The following IL1R1 variants were observed in gnomAD, a reference collection of about 807,000 sequenced individuals.
IL1R1 encodes the protein interleukin 1 receptor type 1.
A neutral mutation model predicts 50.2 loss-of-function variants in IL1R1; 22 were observed. That is an observed-to-expected ratio of 0.44 (90% confidence interval 0.31 to 0.63). The LOEUF is 0.63. Among genes scored for constraint, IL1R1 ranks in the 20% least tolerant of loss-of-function variants. The pLI is 0.07. For missense variants in IL1R1, 509 were observed against 676.2 expected, an observed-to-expected ratio of 0.75 and a Z score of 2.74; for synonymous variants, 251 against 236.7, an observed-to-expected ratio of 1.06 and a Z score of -0.55.
At chr2:102,128,996 G>A (rs1407600913) in intron 1 of IL1R1, among the ~76,000 whole-genome samples, 4 of 152,108 alleles carry the variant, frequency 2.6e-5, no homozygotes, top group African/African-American at 9.7e-5. Flanking sequence ...GAGGCTGAGA[G>A]TTTGTGCCCA....
chr2:102,090,730 G>T (rs1398666469), intron 1 of IL1R1, among the ~76,000 whole-genome samples: 2 of 152,006 alleles, frequency 1.3e-5, no homozygotes, highest in Non-Finnish European at 2.9e-5. Context: ...GCATCTTCTT[G>T]AGGGTATTAA....
chr2:102,109,547 G>T (rs1350353978), intron 1 of IL1R1, among the ~76,000 whole-genome samples: 2 of 152,066 alleles, frequency 1.3e-5, no homozygotes, highest in South Asian at 2.1e-4. Flanking sequence ...CCATCCAAAG[G>T]TGCCAAGAGT....
At chr2:102,157,215 A>G (rs2104527802) in intron 2 of IL1R1, among the ~76,000 whole-genome samples, 1 of 152,294 alleles carries the variant, frequency 6.6e-6, no homozygotes, top group South Asian at 2.1e-4. Flanking sequence ...ATGTAGCTAT[A>G]TCCTATTGTA....
At chr2:102,156,832 A>C (rs1245106333) in intron 2 of IL1R1, among the ~76,000 whole-genome samples, 2 of 152,194 alleles carry the variant, frequency 1.3e-5, no homozygotes, top group Non-Finnish European at 2.9e-5. Context: ...CTTAAATAGA[A>C]CATTTTCCAG....
At chr2:102,078,625 A>C (rs1679081826) in intron 1 of IL1R1, among the ~76,000 whole-genome samples, 1 of 151,328 alleles carries the variant, frequency 6.6e-6, no homozygotes, top group Non-Finnish European at 1.5e-5. Context: ...AAAAAAGCCC[A>C]TGCCCAGATG....
chr2:102,091,854 C>A (rs1422835862), intron 1 of IL1R1, among the ~76,000 whole-genome samples: 1 of 152,160 alleles, frequency 6.6e-6, no homozygotes, highest in Non-Finnish European at 1.5e-5. Context: ...TTTTAAGCTC[C>A]TATACAGAAT....
intron 1 of IL1R1, among the ~76,000 whole-genome samples, chr2:102,147,616 T>C (rs1416977844): frequency 7.9e-5 from 12 of 151,958 alleles, no homozygotes; most frequent in Admixed American, 7.9e-4. Context: ...CCCTAGAAGG[T>C]TTGTAGGGGT....
intron 1 of IL1R1, among the ~76,000 whole-genome samples, chr2:102,150,126 C>T (rs146315365): frequency 2.0e-5 from 3 of 152,260 alleles, no homozygotes; most frequent in African/African-American, 7.2e-5. Context: ...TGTGGAGGAA[C>T]GTTGTGGGAA....
chr2:102,096,018 T>A (rs1017800461), intron 1 of IL1R1, among the ~76,000 whole-genome samples: 48 of 152,052 alleles, frequency 3.2e-4, no homozygotes, highest in Non-Finnish European at 1.2e-4. Context: ...AAAGAAAAAA[T>A]TTTATAAAAA....
In IL1R1 at chr2:102,175,535, G is replaced by C; in HGVS notation, c.1193G>C (p.Gly398Ala). 1 of 1,613,440 alleles carries C rather than the reference G, an allele frequency of 6.2e-7. No individual in the cohort carries two copies. Among genetic ancestry groups the C allele is most frequent in the Non-Finnish European group, 8.5e-7 (1 of 1,179,430 alleles). The change falls in exon 11 of 12, where the codon GGG becomes GCG. Residue 398 changes from glycine (G) to alanine (A), a missense_variant. By Grantham distance (60) the Gly-to-Ala change is moderately conservative (BLOSUM62 0). Coordinates refer to ENST00000410023, the MANE Select transcript of IL1R1 (RefSeq NM_000877.4). ...CTGTATCCAAAGACTGTTGGGGAAGGGTCTACCTCTGACTGTGATATTTTT... is the reference window on the plus strand; with the variant it reads ...CTGTATCCAAAGACTGTTGGGGAAGCGTCTACCTCTGACTGTGATATTTTT... ...YILYPKTVGE[G>A]STSDCDIFVF...
At chr2:102,089,480 T>C (rs1679565974) in intron 1 of IL1R1, among the ~76,000 whole-genome samples, 1 of 152,104 alleles carries the variant, frequency 6.6e-6, no homozygotes, top group South Asian at 2.1e-4. Flanking sequence ...AATAATAAAG[T>C]TTGAAATAGT....
rs187637860 is a variant in IL1R1 at position 102,136,292 on chromosome 2, C to T, written c.-83-17649C>T. On this transcript the variant is annotated intron_variant, in intron 1 of 10. Transcript: ENST00000409329. ...ACAAAGAAGGAATCAGTGGTCCTAT[C>T]GCCTCTTCTCCCAACCCCTGGGCCC... Among the ~76,000 whole-genome samples the T allele has an allele frequency of 4.5e-4, 69 of 152,216 alleles. 2 individuals carry two copies. The East Asian group carries it at 0.012, about 27-fold the overall frequency.
intron 1 of IL1R1, among the ~76,000 whole-genome samples, chr2:102,079,451 A>G (rs566756712): frequency 6.6e-6 from 1 of 152,312 alleles, no homozygotes; most frequent in African/African-American, 2.4e-5. Context: ...TTTATATATT[A>G]GCAATGAAAA....
chr2:102,072,902 C>T (rs1446734773), intron 1 of IL1R1, among the ~76,000 whole-genome samples: 1 of 152,174 alleles, frequency 6.6e-6, no homozygotes, highest in Non-Finnish European at 1.5e-5. Flanking sequence ...GTGTTCACAG[C>T]CCACTGACTG....
intron 1 of IL1R1, among the ~76,000 whole-genome samples, chr2:102,117,655 G>A (rs1213307028): frequency 1.3e-5 from 2 of 152,166 alleles, no homozygotes; most frequent in Non-Finnish European, 2.9e-5. Context: ...ACTGAAGCAA[G>A]CTTGTGGCTT....
upstream of IL1R1, among the ~76,000 whole-genome samples, chr2:102,139,951 G>C (rs1398055600): frequency 6.6e-6 from 1 of 152,182 alleles, no homozygotes; most frequent in Non-Finnish European, 1.5e-5. Context: ...AGGTGGTGCT[G>C]AAGAGTGGAA....
chr2:102,138,750 T>C (rs551220252), upstream of IL1R1, among the ~76,000 whole-genome samples: 24 of 152,306 alleles, frequency 1.6e-4, no homozygotes, highest in African/African-American at 5.1e-4. Context: ...AGGAAGTCCA[T>C]CTAGGACAGT....
chr2:102,088,431 T>TC (rs1268681102), intron 1 of IL1R1, among the ~76,000 whole-genome samples: 1 of 151,996 alleles, frequency 6.6e-6, no homozygotes, highest in African/African-American at 2.4e-5. Flanking sequence ...TTTTTTTTTT[T>TC]CCCCTGAGAA....
At chr2:102,106,925 C>T (rs1037612906) in intron 1 of IL1R1, among the ~76,000 whole-genome samples, 6 of 152,124 alleles carry the variant, frequency 3.9e-5, no homozygotes, top group Admixed American at 1.3e-4. Context: ...AACAGTACTA[C>T]AACTAACACC....
Sources: allele counts gnomAD v4.1 joint callset (sites outside exome capture counted in the v4.1 genomes callset), GRCh38; gene constraint gnomAD v4.1.1; transcripts MANE v1.5; gene names NCBI Gene and HGNC (gene_info 2026-07-23, HGNC 2026-07-21).